The following TMEM71 variants were observed in gnomAD, a reference collection of about 807,000 sequenced individuals.
TMEM71 encodes the protein transmembrane protein 71.
A neutral mutation model predicts 38.0 loss-of-function variants in TMEM71; 44 were observed. The ratio of observed to expected loss-of-function variants is 1.16; its 90% CI spans 0.91 to 1.49. The LOEUF is 1.49. Ranked by LOEUF, TMEM71 falls within the 40% of genes most tolerant of loss-of-function variation. TMEM71 has a pLI of 0.00. For missense variants in TMEM71, 367 were observed against 348.6 expected, an observed-to-expected ratio of 1.05 and a Z score of -0.42; for synonymous variants, 133 against 122.5, an observed-to-expected ratio of 1.09 and a Z score of -0.56.
intron 1 of TMEM71, among the ~76,000 whole-genome samples, chr8:132,760,077 T>C (rs924886561): frequency 6.6e-6 from 1 of 152,190 alleles, no homozygotes; most frequent in Non-Finnish European, 1.5e-5. Context: ...AGCTTAATTT[T>C]AAGCCTATAA....
intron 7 of TMEM71, among the ~76,000 whole-genome samples, chr8:132,720,283 G>A (rs539274226): frequency 5.3e-5 from 8 of 152,250 alleles, no homozygotes; most frequent in African/African-American, 1.7e-4. Flanking sequence ...AAAGGATTAA[G>A]AGTTAAGCTC....
the TMEM71 span, among the ~76,000 whole-genome samples, chr8:132,774,047 A>C: frequency 6.6e-6 from 1 of 152,262 alleles, no homozygotes; most frequent in Non-Finnish European, 1.5e-5. Flanking sequence ...ACTGTGCCAG[A>C]GACAGAAACT....
rs77487423 is a variant in TMEM71 at position 132,747,962 on chromosome 8, G to T, written c.315-848C>A. Among the ~76,000 whole-genome samples, 44 of 152,286 alleles carry T rather than the reference G, an allele frequency of 2.9e-4. 1 individual carries two copies. The highest frequency in any genetic ancestry group is 1.0e-3 in the African/African-American group (43 of 41,556). The stretch of plus-strand genomic sequence containing the variant: ...ATTTCCAAAATTGTTGGTAGCAGAG[G>T]GTGGCTCAGAGGTACAAGATTGAGG... On this transcript the variant is annotated intron_variant, in intron 4 of 9. Transcript: ENST00000677595.
intron 3 of TMEM71, among the ~76,000 whole-genome samples, chr8:132,754,752 C>T (rs1828911159): frequency 6.6e-6 from 1 of 152,162 alleles, no homozygotes; most frequent in Non-Finnish European, 1.5e-5. Context: ...AATACATTTA[C>T]ATGATGTCAT....
intron 5 of TMEM71, among the ~76,000 whole-genome samples, chr8:132,735,109 T>C (rs532886607): frequency 4.6e-5 from 7 of 152,330 alleles, no homozygotes; most frequent in African/African-American, 9.6e-5. Context: ...CAGTCCTCCC[T>C]GCGTGAATCC....
chr8:132,769,180 A>T, the TMEM71 span, among the ~76,000 whole-genome samples: 1 of 152,268 alleles, frequency 6.6e-6, no homozygotes, highest in Non-Finnish European at 1.5e-5. Flanking sequence ...ATTAATAATT[A>T]TAAAGTCTGC....
chr8:132,752,110 A>G, intron 3 of TMEM71, 113 bp from the exon 4 acceptor site: 1 of 841,542 alleles, frequency 1.2e-6, no homozygotes, highest in East Asian at 2.7e-5. Flanking sequence ...ATGACTGTCA[A>G]TTACTTCTGC....
chr8:132,764,357 T>C (rs1337005352), upstream of TMEM71, among the ~76,000 whole-genome samples: 1 of 151,564 alleles, frequency 6.6e-6, no homozygotes, highest in African/African-American at 2.4e-5. Flanking sequence ...CATGCCAAAG[T>C]CACTTGGCCT....
At chr8:132,715,023 C>T (rs975485426) in intron 7 of TMEM71, among the ~76,000 whole-genome samples, 1 of 152,144 alleles carries the variant, frequency 6.6e-6, no homozygotes, top group African/African-American at 2.4e-5. Flanking sequence ...CACTGCATAC[C>T]TAGTAGAATG....
intron 5 of TMEM71, among the ~76,000 whole-genome samples, chr8:132,738,534 G>A (rs967649373): frequency 4.6e-5 from 7 of 152,042 alleles, no homozygotes; most frequent in African/African-American, 1.7e-4. Flanking sequence ...ATCCTCAATT[G>A]TGCTACTGCA....
At chr8:132,716,695 C>T (rs1462209675) in intron 7 of TMEM71, among the ~76,000 whole-genome samples, 2 of 152,130 alleles carry the variant, frequency 1.3e-5, no homozygotes, top group Non-Finnish European at 2.9e-5. Flanking sequence ...AAACCCCCTT[C>T]GGTATTGAGG....
intron 5 of TMEM71, among the ~76,000 whole-genome samples, chr8:132,742,232 A>G (rs1157666012): frequency 6.6e-6 from 1 of 152,218 alleles, no homozygotes; most frequent in Non-Finnish European, 1.5e-5. Flanking sequence ...TGGTATAACT[A>G]TTTTTGTTTT....
chr8:132,740,946 G>T (rs1473941954), intron 5 of TMEM71, among the ~76,000 whole-genome samples: 2 of 152,202 alleles, frequency 1.3e-5, no homozygotes, highest in Non-Finnish European at 2.9e-5. Flanking sequence ...CTGTGTTAAG[G>T]AATGATGACA....
chr8:132,752,097 T>C (rs1828748390), intron 3 of TMEM71, 100 bp from the exon 4 acceptor site: 1 of 940,194 alleles, frequency 1.1e-6, no homozygotes, highest in South Asian at 1.5e-5. Context: ...CATCTTTGCA[T>C]CCATGACTGT....
In TMEM71 at chr8:132,716,629, T is replaced by C. The variant is rs564588399; in HGVS notation, c.753-2414A>G. 1.4e-4 allele frequency among the ~76,000 whole-genome samples: 21 copies of C among 152,338 alleles called. No homozygotes were observed. The South Asian group carries it at 4.3e-3, about 32-fold the overall frequency. ...GGTATATGCAAATACTACATCATCT[T>C]ATATAAGGGGCTTTAGTATTCAAGG... On this transcript the variant is annotated intron_variant, in intron 7 of 9. Coordinates refer to ENST00000677595, the MANE Select transcript of TMEM71 (RefSeq NM_001382403.1).
At chr8:132,715,200 A>T (rs1375359310) in intron 7 of TMEM71, among the ~76,000 whole-genome samples, 1 of 151,674 alleles carries the variant, frequency 6.6e-6, no homozygotes, top group Non-Finnish European at 1.5e-5. Flanking sequence ...AGGTCAGGAG[A>T]TTGAGACCGT....
chr8:132,765,008 C>CTACT (rs1563760905), upstream of TMEM71, among the ~76,000 whole-genome samples: 1 of 152,186 alleles, frequency 6.6e-6, no homozygotes, highest in Non-Finnish European at 1.5e-5. Context: ...CCTGGACAGG[C>CTACT]TACTAATCTA....
At chr8:132,754,396 T>C (rs978211658) in intron 3 of TMEM71, among the ~76,000 whole-genome samples, 5 of 152,246 alleles carry the variant, frequency 3.3e-5, no homozygotes, top group African/African-American at 1.2e-4. Flanking sequence ...AATTTTATAT[T>C]ACAAGGTCAA....
downstream of TMEM71, among the ~76,000 whole-genome samples, chr8:132,709,487 G>C (rs898837310): frequency 6.6e-6 from 1 of 152,178 alleles, no homozygotes; most frequent in Admixed American, 6.5e-5. Context: ...GGCCTTGAAG[G>C]TGTCATTAAG....
Sources: gnomAD v4.1 joint callset for allele counts (sites outside exome capture counted in the v4.1 genomes callset) on GRCh38, gnomAD v4.1.1 for gene constraint, MANE v1.5 for transcripts, NCBI Gene and HGNC (gene_info 2026-07-23, HGNC 2026-07-21) for gene names.